The following PIK3CB variants were observed in gnomAD, a reference collection of about 807,000 sequenced individuals.
The protein encoded by PIK3CB is phosphatidylinositol 4,5-bisphosphate 3-kinase catalytic subunit beta isoform.
PIK3CB carries 39 observed loss-of-function variants against 136.8 expected under a neutral mutation model. The ratio of observed to expected loss-of-function variants is 0.29; its 90% CI spans 0.22 to 0.37. The LOEUF (loss-of-function observed/expected upper bound fraction) is 0.37, where lower values mean the gene tolerates loss of function less well. Among genes scored for constraint, PIK3CB ranks in the 10% least tolerant of loss-of-function variants. The pLI is 1.00. For missense variants in PIK3CB, 868 were observed against 1,275.4 expected (o/e 0.68, Z 4.87); for synonymous variants, 428 against 436.6 (o/e 0.98, Z 0.25).
intron 19 of PIK3CB, among the ~76,000 whole-genome samples, chr3:138,681,555 C>G (rs770393904): frequency 1.4e-4 from 22 of 152,110 alleles, no homozygotes; most frequent in Non-Finnish European, 2.6e-4. Context: ...AAACTAAAAA[C>G]CTGAGAATGC....
chr3:138,677,478 A>C (rs1245477617), intron 19 of PIK3CB, among the ~76,000 whole-genome samples: 2 of 152,266 alleles, frequency 1.3e-5, no homozygotes, highest in African/African-American at 4.8e-5. Flanking sequence ...AAATTCTAGT[A>C]AAAATTCACT....
chr3:138,686,268 C>T (rs1281259394), intron 16 of PIK3CB, among the ~76,000 whole-genome samples: 1 of 151,746 alleles, frequency 6.6e-6, no homozygotes, highest in Non-Finnish European at 1.5e-5. Flanking sequence ...GTGAAACCTC[C>T]TCTCTACTAA....
intron 8 of PIK3CB, among the ~76,000 whole-genome samples, chr3:138,722,192 ACTGT>A (rs1245445654): frequency 6.9e-6 from 1 of 144,484 alleles, no homozygotes; most frequent in Admixed American, 7.0e-5. Context: ...TAAAGTCAAA[ACTGT>A]CTGTATTGTA....
intron 2 of PIK3CB, among the ~76,000 whole-genome samples, chr3:138,763,318 T>C (rs941904880): frequency 6.6e-6 from 1 of 152,132 alleles, no homozygotes; most frequent in African/African-American, 2.4e-5. Context: ...TTTGTATTTT[T>C]AGTAGAGATG....
intron 12 of PIK3CB, among the ~76,000 whole-genome samples, chr3:138,702,460 C>T (rs1170745489): frequency 6.6e-6 from 1 of 152,126 alleles, no homozygotes; most frequent in Non-Finnish European, 1.5e-5. Context: ...TTACTGCATG[C>T]TCAGTGTGTA....
At chr3:138,758,270 T>C (rs989144487) in intron 3 of PIK3CB, among the ~76,000 whole-genome samples, 10 of 152,184 alleles carry the variant, frequency 6.6e-5, no homozygotes. Flanking sequence ...GGGGCAGTTA[T>C]GGGTATGAAG....
chr3:138,692,955 T>A (rs1425570971), intron 14 of PIK3CB, among the ~76,000 whole-genome samples: 2 of 152,198 alleles, frequency 1.3e-5, no homozygotes, highest in African/African-American at 2.4e-5. Context: ...AACTTAAATA[T>A]TCCTTAATAG....
intron 4 of PIK3CB, among the ~76,000 whole-genome samples, chr3:138,750,989 G>T (rs1328106880): frequency 6.6e-6 from 1 of 152,068 alleles, no homozygotes; most frequent in South Asian, 2.1e-4. Context: ...TAATGTTTTG[G>T]TAATGTTTTT....
intron 13 of PIK3CB, among the ~76,000 whole-genome samples, chr3:138,698,021 C>T (rs2044174324): frequency 6.6e-6 from 1 of 152,214 alleles, no homozygotes; most frequent in Non-Finnish European, 1.5e-5. Flanking sequence ...GTGTGTGCTA[C>T]CATGCCTGGC....
chr3:138,708,314 G>A (rs1427997561), intron 10 of PIK3CB, among the ~76,000 whole-genome samples: 1 of 141,774 alleles, frequency 7.1e-6, no homozygotes, highest in Non-Finnish European at 1.5e-5. Flanking sequence ...AGGTTGGGGT[G>A]CAGTGGCATG....
At position 138,719,260 on chromosome 3, in the gene PIK3CB, T is replaced by G. The variant is rs200676286; in HGVS notation, c.1051-4541A>C. ...ATTTTTTTTTTTTTTTTTTTTTTTT[T>G]TTTGAGATGAGGTCTCACTCTGTCA... On this transcript the variant is annotated intron_variant, in intron 8 of 23. Transcript: ENST00000674063. 2.8e-5 allele frequency among the ~76,000 whole-genome samples: 4 copies of G among 141,888 alleles called. No individual in the cohort carries two copies. In the East Asian group the frequency reaches 8.2e-4, roughly 29 times the overall value. 93.1% of individuals were successfully genotyped at this position (141,888 alleles called of 152,430 possible).
chr3:138,791,674 C>T (rs1334005739), intron 2 of PIK3CB, among the ~76,000 whole-genome samples: 1 of 152,210 alleles, frequency 6.6e-6, no homozygotes. Context: ...TCATAGAACA[C>T]ATCAAGCACA....
chr3:138,814,055 T>C (rs1001034191), intron 1 of PIK3CB, among the ~76,000 whole-genome samples: 1 of 152,222 alleles, frequency 6.6e-6, no homozygotes, highest in South Asian at 2.1e-4. Flanking sequence ...CATGATGAGA[T>C]GATGAGGTAT....
intron 4 of PIK3CB, among the ~76,000 whole-genome samples, chr3:138,744,006 G>A (rs1482434475): frequency 1.3e-5 from 2 of 152,038 alleles, no homozygotes; most frequent in East Asian, 3.8e-4. Context: ...TAAAGAAAAT[G>A]TTAATTATTC....
At chr3:138,757,186 A>G (rs549172813) in intron 3 of PIK3CB, among the ~76,000 whole-genome samples, 4 of 152,230 alleles carry the variant, frequency 2.6e-5, no homozygotes, top group African/African-American at 9.6e-5. Flanking sequence ...TGGGCAGATC[A>G]TGAGGTCAAG....
At chr3:138,754,955 T>C (rs1024534197) in intron 4 of PIK3CB, among the ~76,000 whole-genome samples, 14 of 152,186 alleles carry the variant, frequency 9.2e-5, no homozygotes, top group Non-Finnish European at 2.1e-4. Flanking sequence ...AAGCAAGATA[T>C]TGATAAAACA....
chr3:138,664,984 ATTTGTTTGGCTG>A, intron 20 of PIK3CB, 40 bp downstream of exon 20: 1 of 1,290,350 alleles, frequency 7.7e-7, no homozygotes, highest in Non-Finnish European at 1.1e-6. Context: ...AGCATACAGT[ATTTGTTTGGCTG>A]TTTGTACAGA....
At chr3:138,716,779 C>A in intron 8 of PIK3CB, among the ~76,000 whole-genome samples, 1 of 150,452 alleles carries the variant, frequency 6.6e-6, no homozygotes. Context: ...ACCTGTAATC[C>A]CAGCTACTCA....
intron 1 of PIK3CB, among the ~76,000 whole-genome samples, chr3:138,806,478 C>T (rs1220700447): frequency 6.6e-6 from 1 of 151,600 alleles, no homozygotes; most frequent in Non-Finnish European, 1.5e-5. Context: ...CAGTGAGACT[C>T]CATCTCAAAA....
Sources: gnomAD v4.1 joint callset for allele counts (sites outside exome capture counted in the v4.1 genomes callset) on GRCh38, gnomAD v4.1.1 for gene constraint, MANE v1.5 for transcripts, NCBI Gene and HGNC (gene_info 2026-07-23, HGNC 2026-07-21) for gene names.